The following CTPS2 variants were observed in gnomAD, a reference collection of about 807,000 sequenced individuals.
CTPS2 encodes the protein CTP synthase 2, also known as CTP synthase II.
A neutral mutation model predicts 46.8 loss-of-function variants in CTPS2; 19 were observed. The ratio of observed to expected loss-of-function variants is 0.41; its 90% CI spans 0.28 to 0.60. CTPS2 has a LOEUF of 0.60. Ranked by LOEUF, CTPS2 falls within the 20% of genes least tolerant of loss-of-function variation. The probability of loss-of-function intolerance (pLI) is 0.35; values close to 1 mark genes in which losing one functional copy is unlikely to be tolerated. For synonymous variants in CTPS2, 151 were observed against 165.2 expected, an observed-to-expected ratio of 0.91 and a Z score of 0.66; for missense variants, 286 against 447.6, an observed-to-expected ratio of 0.64 and a Z score of 3.26.
intron 2 of CTPS2, among the ~76,000 whole-genome samples, chrX:16,701,821 G>C (rs1924597288): frequency 9.2e-6 from 1 of 108,746 alleles, no homozygotes; most frequent in Non-Finnish European, 1.9e-5. Flanking sequence ...GGACGGTCTC[G>C]ATCTCCTGAC....
At chrX:16,669,190 A>C (rs1921507605) in intron 11 of CTPS2, among the ~76,000 whole-genome samples, 1 of 111,143 alleles carries the variant, frequency 9.0e-6, no homozygotes, top group South Asian at 3.8e-4. Context: ...TCGGTGATGA[A>C]GGAAGGCAGA....
intron 2 of CTPS2, 107 bp downstream of exon 2, chrX:16,702,630 T>C (rs1173993708): frequency 5.8e-6 from 4 of 690,156 alleles, no homozygotes. Flanking sequence ...TAGCATACGA[T>C]CTAGTCACTC....
intron 17 of CTPS2, among the ~76,000 whole-genome samples, chrX:16,592,802 C>G (rs769089139): frequency 8.6e-4 from 96 of 111,942 alleles, no homozygotes; most frequent in Non-Finnish European, 1.4e-3. Context: ...ATAATTTTCA[C>G]AATTATGCAA....
chrX:16,621,335 G>A (rs1248081672), intron 14 of CTPS2, among the ~76,000 whole-genome samples: 2 of 106,894 alleles, frequency 1.9e-5, no homozygotes, highest in Non-Finnish European at 3.9e-5. Flanking sequence ...GATAGCATTA[G>A]GAGAATACCT....
chrX:16,698,913 A>G lies in CTPS2; in HGVS notation c.337+10T>C, dbSNP rs1737072023. ...ACACAGGGCTCCATAATGTCTGTGGAATATAATACCTTGCACTGTTTTCCC... is the reference window on the plus strand; with the variant it reads ...ACACAGGGCTCCATAATGTCTGTGGGATATAATACCTTGCACTGTTTTCCC... On this transcript the variant is annotated intron_variant, in intron 3 of 18. Transcript: ENST00000359276. 2.4e-5 allele frequency: 28 copies of G among 1,184,625 alleles called. No individual in the cohort carries two copies. Among genetic ancestry groups the G allele is most frequent in the Non-Finnish European group, 3.1e-5 (27 of 882,211 alleles).
chrX:16,688,025 A>G (rs182647097), intron 8 of CTPS2, among the ~76,000 whole-genome samples: 1 of 111,396 alleles, frequency 9.0e-6, no homozygotes, highest in East Asian at 2.8e-4. Flanking sequence ...ATTTGAGTCC[A>G]GAACCTACAT....
At chrX:16,691,112 T>C (rs1420292986) in intron 7 of CTPS2, among the ~76,000 whole-genome samples, 2 of 111,690 alleles carry the variant, frequency 1.8e-5, no homozygotes, top group Non-Finnish European at 3.8e-5. Flanking sequence ...AGGTCAGGAG[T>C]TCGAGACCAG....
chrX:16,625,900 T>C (rs985217727), intron 14 of CTPS2, among the ~76,000 whole-genome samples: 3 of 110,900 alleles, frequency 2.7e-5, no homozygotes, highest in Admixed American at 9.6e-5. Flanking sequence ...GGGGTTTATA[T>C]AGTACAGGAT....
chrX:16,625,737 G>C (rs984798471), intron 14 of CTPS2, among the ~76,000 whole-genome samples: 1 of 110,487 alleles, frequency 9.1e-6, no homozygotes, highest in African/African-American at 3.3e-5. Context: ...GAAGGAGATG[G>C]AGTGGGAAGA....
intron 14 of CTPS2, among the ~76,000 whole-genome samples, chrX:16,634,497 A>G (rs1230559414): frequency 8.9e-6 from 1 of 111,984 alleles, no homozygotes; most frequent in African/African-American, 3.2e-5. Flanking sequence ...CTAGGAACAC[A>G]CTGCTTATAA....
intron 9 of CTPS2, among the ~76,000 whole-genome samples, chrX:16,680,865 A>G (rs1364879345): frequency 1.8e-5 from 2 of 111,285 alleles, no homozygotes; most frequent in Non-Finnish European, 3.8e-5. Flanking sequence ...CAGCCTGGGC[A>G]ACATAGCGAG....
At chrX:16,709,246 G>A (rs1925261273) in intron 1 of CTPS2, among the ~76,000 whole-genome samples, 1 of 110,211 alleles carries the variant, frequency 9.1e-6, no homozygotes, top group East Asian at 2.9e-4. Context: ...TGGGCAACAT[G>A]GGGAAACCCC....
rs36015180 is a variant in CTPS2, at chrX:16,676,441, TA to T, written c.1094+1920del. 2.7e-5 allele frequency among the ~76,000 whole-genome samples: 3 copies of T among 112,048 alleles called. No individual in the cohort carries two copies. The East Asian group carries it at 8.4e-4, about 31-fold the overall frequency. On this transcript the variant is annotated intron_variant, in intron 10 of 18. Transcript: ENST00000359276. ...ACAAACCCATGGGTGGGCTCAGCTT[TA>T]AAAAAGGTCTTATCTGAGATTCCTT... is the stretch of plus-strand genomic sequence containing the variant.
chrX:16,597,808 G>C lies in CTPS2; in HGVS notation c.1692-6946C>G, dbSNP rs1189047615. 1.9e-4 allele frequency among the ~76,000 whole-genome samples: 21 copies of C among 109,441 alleles called. 1 individual carries two copies. The Admixed American group carries it at 2.1e-3, about 11-fold the overall frequency. On this transcript the variant is annotated intron_variant, in intron 17 of 18. Coordinates refer to ENST00000359276, the MANE Select transcript of CTPS2 (RefSeq NM_175859.3). ...GCAGTATGGCCATTTTCACGATATT[G>C]ATTCTTCCTACCCATGAGCATGGAA... is the stretch of plus-strand genomic sequence containing the variant.
At chrX:16,660,047 T>A (rs1932909111) in intron 13 of CTPS2, among the ~76,000 whole-genome samples, 2 of 112,071 alleles carry the variant, frequency 1.8e-5, no homozygotes, top group East Asian at 5.6e-4. Context: ...TTGAACACAA[T>A]AATTTCATAT....
At chrX:16,651,716 A>G (rs1440624962) in intron 13 of CTPS2, among the ~76,000 whole-genome samples, 1 of 112,488 alleles carries the variant, frequency 8.9e-6, no homozygotes, top group Admixed American at 9.4e-5. Context: ...AGAAAGGACT[A>G]AATTTCCTGG....
rs918915002 is a variant in CTPS2 at position 16,651,216 on chromosome X, G to A, written c.1297-11973C>T. The A allele has an allele frequency of 7.1e-6, 7 of 991,628 alleles. No individual in the cohort carries two copies. The African/African-American group carries it at 1.3e-4, about 19-fold the overall frequency. 81.7% of individuals were successfully genotyped at this position (991,628 alleles called of 1,213,427 possible). On this transcript the variant is annotated intron_variant, in intron 13 of 18. Coordinates refer to ENST00000359276, the MANE Select transcript of CTPS2 (RefSeq NM_175859.3). ...GAGGGAGGGAGGGGAGAGGACTCCG[G>A]TAGAGCCTTATAGGGACCGTCGCTT...
chrX:16,627,325 G>C (rs1931208948), intron 14 of CTPS2, among the ~76,000 whole-genome samples: 1 of 112,453 alleles, frequency 8.9e-6, no homozygotes, highest in African/African-American at 3.2e-5. Flanking sequence ...GATCCTAAGA[G>C]GCTGCCCAGG....
intron 13 of CTPS2, among the ~76,000 whole-genome samples, chrX:16,641,719 G>C (rs772377405): frequency 2.7e-4 from 30 of 112,422 alleles, no homozygotes; most frequent in African/African-American, 7.1e-4. Flanking sequence ...CTGGATGACA[G>C]AGCAAGACCT....
Sources: allele counts gnomAD v4.1 joint callset (sites outside exome capture counted in the v4.1 genomes callset), GRCh38; gene constraint gnomAD v4.1.1; transcripts MANE v1.5; gene names NCBI Gene and HGNC (gene_info 2026-07-23, HGNC 2026-07-21).